Variants in NCAM1 observed in about 807,000 individuals in gnomAD.
The protein encoded by NCAM1 is neural cell adhesion molecule 1, also known as antigen recognized by monoclonal antibody 5.1H11.
A neutral mutation model predicts 109.8 loss-of-function variants in NCAM1; 14 were observed. That is an observed-to-expected ratio of 0.13 (90% CI 0.08 to 0.20). NCAM1 has a LOEUF of 0.20. Ranked by LOEUF, NCAM1 falls within the 10% of genes least tolerant of loss-of-function variation. NCAM1 has a pLI of 1.00. For synonymous variants in NCAM1, 418 were observed against 442.9 expected (o/e 0.94, Z 0.70); for missense variants, 774 against 1,109.9 (o/e 0.70, Z 4.30).
intron 1 of NCAM1, among the ~76,000 whole-genome samples, chr11:113,121,849 A>G (rs570118733): frequency 6.6e-6 from 1 of 152,292 alleles, no homozygotes; most frequent in East Asian, 1.9e-4. Flanking sequence ...TTTCTCTACA[A>G]GCAACTATTT....
intron 1 of NCAM1, among the ~76,000 whole-genome samples, chr11:113,056,184 A>G (rs2135446837): frequency 6.6e-6 from 1 of 151,440 alleles, no homozygotes; most frequent in South Asian, 2.1e-4. Flanking sequence ...TGTTCTCACT[A>G]AAAAGTGGAT....
At chr11:113,130,016 C>T (rs769775279) in intron 1 of NCAM1, among the ~76,000 whole-genome samples, 5 of 152,152 alleles carry the variant, frequency 3.3e-5, no homozygotes, top group Middle Eastern at 3.2e-3. Flanking sequence ...TGGATGTACA[C>T]GTGGGTGTCT....
At position 113,027,030 on chromosome 11, in the gene NCAM1, A is replaced by G. The variant is rs575422263; in HGVS notation, c.52+65366A>G. On this transcript the variant is annotated intron_variant, in intron 1 of 19. Transcript: ENST00000316851. ...CTAAGCAGGCTCACAGAGAAGGACA[A>G]CGATGAGGCATGTTCCCTCACTGCT... Among the ~76,000 whole-genome samples the G allele has an allele frequency of 2.7e-3, 411 of 152,346 alleles. 1 individual carries two copies. Among genetic ancestry groups the G allele is most frequent in the African/African-American group, 9.5e-3 (395 of 41,572 alleles).
chr11:112,970,526 G>A (rs982457056), intron 1 of NCAM1, among the ~76,000 whole-genome samples: 1 of 152,130 alleles, frequency 6.6e-6, no homozygotes, highest in Non-Finnish European at 1.5e-5. Context: ...ATTGGGCTTA[G>A]ATTCGAAAGA....
At chr11:113,270,090 C>G in intron 17 of NCAM1, 98 bp from the exon 18 acceptor site, 1 of 1,160,364 alleles carries the variant, frequency 8.6e-7, no homozygotes, top group Non-Finnish European at 1.3e-6. Context: ...ATGACTCTGT[C>G]CTCTGGGCCC....
chr11:113,009,665 C>G (rs1403836614), intron 1 of NCAM1, among the ~76,000 whole-genome samples: 1 of 152,102 alleles, frequency 6.6e-6, no homozygotes, highest in African/African-American at 2.4e-5. Context: ...CATCTCTAAA[C>G]TCCACTCACA....
At chr11:113,124,058 C>T (rs1555096588) in intron 1 of NCAM1, among the ~76,000 whole-genome samples, 2 of 152,126 alleles carry the variant, frequency 1.3e-5, no homozygotes, top group Non-Finnish European at 2.9e-5. Flanking sequence ...GCTGGCTCCT[C>T]CAAAGTAATT....
chr11:113,220,600 C>CTT (rs1336984958), intron 8 of NCAM1, among the ~76,000 whole-genome samples: 3 of 102,374 alleles, frequency 2.9e-5, no homozygotes, highest in African/African-American at 5.8e-5. Context: ...CTCTCTCTCT[C>CTT]TCTTTTTTTT....
intron 1 of NCAM1, among the ~76,000 whole-genome samples, chr11:112,980,171 A>T (rs903866086): frequency 2.6e-5 from 4 of 151,836 alleles, no homozygotes; most frequent in Non-Finnish European, 4.4e-5. Context: ...TAGGATGGCT[A>T]GAATCAAAAA....
intron 1 of NCAM1, among the ~76,000 whole-genome samples, chr11:112,970,391 C>T (rs17114606): frequency 2.4e-4 from 36 of 151,954 alleles, no homozygotes; most frequent in African/African-American, 8.2e-4. Context: ...GAAGGGCTAA[C>T]GAAGGGATTT....
At chr11:113,176,004 T>C (rs1200424350) in intron 1 of NCAM1, among the ~76,000 whole-genome samples, 2 of 152,166 alleles carry the variant, frequency 1.3e-5, no homozygotes, top group Admixed American at 6.5e-5. Context: ...GTATACATAT[T>C]ATATATCAAT....
At chr11:113,111,979 C>A (rs541435043) in intron 1 of NCAM1, among the ~76,000 whole-genome samples, 2 of 152,100 alleles carry the variant, frequency 1.3e-5, no homozygotes, top group African/African-American at 4.8e-5. Flanking sequence ...GTTTACTATG[C>A]GAAAAAGAAA....
At chr11:113,103,078 A>G (rs1413324479) in intron 1 of NCAM1, among the ~76,000 whole-genome samples, 2 of 152,228 alleles carry the variant, frequency 1.3e-5, no homozygotes, top group East Asian at 1.9e-4. Flanking sequence ...ACATGAGTAG[A>G]TAGGGACTGG....
At chr11:113,027,663 G>A (rs927915909) in intron 1 of NCAM1, among the ~76,000 whole-genome samples, 3 of 152,296 alleles carry the variant, frequency 2.0e-5, no homozygotes, top group African/African-American at 7.2e-5. Flanking sequence ...ACCTGAATGT[G>A]TAAGAACTGT....
At chr11:113,130,470 T>C (rs543229434) in intron 1 of NCAM1, among the ~76,000 whole-genome samples, 36 of 152,224 alleles carry the variant, frequency 2.4e-4, no homozygotes, top group African/African-American at 8.2e-4. Flanking sequence ...GGGAAACAAA[T>C]CAAACAACTA....
chr11:113,122,453 G>C (rs1941005821), intron 1 of NCAM1, among the ~76,000 whole-genome samples: 2 of 152,122 alleles, frequency 1.3e-5, no homozygotes, highest in Non-Finnish European at 2.9e-5. Context: ...GTATTAAATT[G>C]AACATTTTTG....
chr11:113,197,532 G>A (rs1402127748), intron 1 of NCAM1, among the ~76,000 whole-genome samples: 2 of 152,150 alleles, frequency 1.3e-5, no homozygotes, highest in South Asian at 4.1e-4. Context: ...AGTCACTGAT[G>A]ATATTTATCC....
At chr11:113,153,124 C>A (rs1942288601) in intron 1 of NCAM1, among the ~76,000 whole-genome samples, 1 of 151,560 alleles carries the variant, frequency 6.6e-6, no homozygotes, top group South Asian at 2.1e-4. Flanking sequence ...TTCACTGCAA[C>A]CTCCGCCTCC....
At chr11:113,230,923 T>G (rs797042341) in intron 9 of NCAM1, among the ~76,000 whole-genome samples, 74 of 152,192 alleles carry the variant, frequency 4.9e-4, no homozygotes, top group African/African-American at 1.7e-3. Flanking sequence ...TTCCAGAGAT[T>G]TAGGAAGCCC....
Sources: gnomAD v4.1 joint callset for allele counts (sites outside exome capture counted in the v4.1 genomes callset) on GRCh38, gnomAD v4.1.1 for gene constraint, MANE v1.5 for transcripts, NCBI Gene and HGNC (gene_info 2026-07-23, HGNC 2026-07-21) for gene names.